Variants in NKAIN3 observed in about 807,000 individuals in gnomAD.
NKAIN3 encodes the protein sodium/potassium transporting ATPase interacting 3.
In NKAIN3, 25 loss-of-function variants were observed where a neutral mutation model predicts 30.2. The observed-to-expected ratio is 0.83, with a 90% CI of 0.60 to 1.16. The LOEUF is 1.16. Among genes scored for constraint, NKAIN3 ranks in the 50% most tolerant of loss-of-function variants. The pLI is 0.00. For synonymous variants in NKAIN3, 91 were observed against 89.6 expected, an observed-to-expected ratio of 1.02 and a Z score of -0.09; for missense variants, 225 against 254.1, an observed-to-expected ratio of 0.89 and a Z score of 0.78.
intron 1 of NKAIN3, among the ~76,000 whole-genome samples, chr8:62,504,500 T>G (rs1449582627): frequency 6.6e-6 from 1 of 152,164 alleles, no homozygotes; most frequent in Non-Finnish European, 1.5e-5. Flanking sequence ...ATCTAATCAC[T>G]GGTCATGTCA....
chr8:62,854,876 C>A (rs549244896), intron 4 of NKAIN3, among the ~76,000 whole-genome samples: 1 of 152,228 alleles, frequency 6.6e-6, no homozygotes, highest in South Asian at 2.1e-4. Context: ...TCATACGCTC[C>A]TGTAAGGCAG....
chr8:62,254,153 CGTGTGTGTGT>C (rs10629239), intron 1 of NKAIN3, among the ~76,000 whole-genome samples: 3,139 of 136,852 alleles, frequency 0.023, 41 homozygotes, highest in Middle Eastern at 0.071. Context: ...GCTTGGGTAT[CGTGTGTGTGT>C]GTGTGTGTGT....
At chr8:62,319,421 G>T (rs1165052066) in intron 1 of NKAIN3, among the ~76,000 whole-genome samples, 5 of 152,108 alleles carry the variant, frequency 3.3e-5, no homozygotes, top group Non-Finnish European at 7.4e-5. Flanking sequence ...TAATTGTGAT[G>T]TTAGGGTCTC....
chr8:62,584,183 C>T (rs974741636), intron 2 of NKAIN3, among the ~76,000 whole-genome samples: 2 of 152,040 alleles, frequency 1.3e-5, no homozygotes, highest in African/African-American at 2.4e-5. Flanking sequence ...AAAATTGCTT[C>T]TTCTATTTTT....
At position 62,974,634 on chromosome 8, in the gene NKAIN3, C is replaced by T. The variant is rs1823905482; in HGVS notation, c.*9227C>T. 6.6e-6 allele frequency among the ~76,000 whole-genome samples: 1 copy of T among 152,168 alleles called. No individual in the cohort carries two copies. The highest frequency in any genetic ancestry group is 2.4e-5 in the African/African-American group (1 of 41,424). On this transcript the variant is annotated 3_prime_UTR_variant, in exon 7 of 7. Coordinates refer to ENST00000623646, the MANE Select transcript of NKAIN3 (RefSeq NM_001304533.3). The stretch of plus-strand genomic sequence containing the variant: ...AGAGATAATTTGACTTTCTCTCTTC[C>T]TATTCGAATACGCTTTATTTCATTC...
chr8:62,801,367 C>A (rs574473789), intron 4 of NKAIN3, among the ~76,000 whole-genome samples: 14 of 152,158 alleles, frequency 9.2e-5, no homozygotes, highest in Non-Finnish European at 1.8e-4. Context: ...GGAGGCACCC[C>A]CCGATAGGGG....
In NKAIN3 at chr8:62,539,680, C is replaced by T. The variant is rs181825919; in HGVS notation, c.55-39859C>T. 3.1e-3 allele frequency among the ~76,000 whole-genome samples: 467 copies of T among 152,246 alleles called. 2 individuals are homozygous for T. The highest frequency in any genetic ancestry group is 0.011 in the African/African-American group (442 of 41,546). ...TCATGGCTCACCACATCCTCGATCG[C>T]GTGAGCTCAAGCAATCCTCCCACCT... On this transcript the variant is annotated intron_variant, in intron 1 of 6. Coordinates refer to ENST00000623646, the MANE Select transcript of NKAIN3 (RefSeq NM_001304533.3).
In NKAIN3 at chr8:62,967,533, C is replaced by T. The variant is rs538614543; in HGVS notation, c.*2126C>T. ...TTCCACTCAAGCGCTATGAAGAGCC[C>T]ACAGAAACAACAAACTCTGTTTTTT... is the stretch of plus-strand genomic sequence containing the variant. On this transcript the variant is annotated 3_prime_UTR_variant, in exon 7 of 7. Coordinates refer to ENST00000623646, the MANE Select transcript of NKAIN3 (RefSeq NM_001304533.3). 1.3e-5 allele frequency among the ~76,000 whole-genome samples: 2 copies of T among 152,160 alleles called. No individual in the cohort carries two copies. Among genetic ancestry groups the T allele is most frequent in the African/African-American group, 2.4e-5 (1 of 41,516 alleles).
intron 4 of NKAIN3, among the ~76,000 whole-genome samples, chr8:62,911,730 G>C (rs560855108): frequency 1.3e-5 from 2 of 152,022 alleles, no homozygotes. Flanking sequence ...TATTTTTCAA[G>C]CTAAAGGATC....
At chr8:62,889,560 A>C (rs1232195318) in intron 4 of NKAIN3, among the ~76,000 whole-genome samples, 1 of 152,204 alleles carries the variant, frequency 6.6e-6, no homozygotes, top group Non-Finnish European at 1.5e-5. Flanking sequence ...ACCATTATTG[A>C]ACAACTGATA....
chr8:62,912,258 A>G (rs1443930634), intron 4 of NKAIN3, among the ~76,000 whole-genome samples: 1 of 152,164 alleles, frequency 6.6e-6, no homozygotes, highest in African/African-American at 2.4e-5. Context: ...AGCACTTACC[A>G]TAAATGGAGC....
In NKAIN3 at chr8:62,819,201, G is replaced by A. The variant is rs1405990620; in HGVS notation, c.471+72072G>A. Among the ~76,000 whole-genome samples, 4 of 148,820 alleles carry A rather than the reference G, an allele frequency of 2.7e-5. No individual in the cohort carries two copies. In the Admixed American group the frequency reaches 2.7e-4, roughly 10 times the overall value. ...TTTTGTTAGGCACAATAACAGTATT[G>A]TTATTTAACTTATATCCTTTATGTC... On this transcript the variant is annotated intron_variant, in intron 4 of 6. Coordinates refer to ENST00000623646, the MANE Select transcript of NKAIN3 (RefSeq NM_001304533.3).
intron 5 of NKAIN3, among the ~76,000 whole-genome samples, chr8:62,924,305 G>A (rs1173493127): frequency 6.6e-6 from 1 of 152,142 alleles, no homozygotes; most frequent in Non-Finnish European, 1.5e-5. Context: ...TTGAAGATAC[G>A]GATGATATAT....
chr8:62,781,372 T>C (rs1366574823), intron 4 of NKAIN3, among the ~76,000 whole-genome samples: 1 of 151,640 alleles, frequency 6.6e-6, no homozygotes, highest in Admixed American at 6.6e-5. Flanking sequence ...ACAGATTCGA[T>C]GCAATCTTTA....
chr8:62,489,408 T>C (rs1489027478), intron 1 of NKAIN3, among the ~76,000 whole-genome samples: 1 of 152,202 alleles, frequency 6.6e-6, no homozygotes, highest in Non-Finnish European at 1.5e-5. Context: ...CCTTACATTA[T>C]AGACATGTGC....
intron 4 of NKAIN3, chr8:62,855,591 A>G: frequency 5.0e-6 from 8 of 1,595,526 alleles, no homozygotes; most frequent in Non-Finnish European, 6.9e-6. Flanking sequence ...ACCTTGGGCA[A>G]TGTCAGGTCC....
chr8:62,373,807 C>T (rs1816981930), intron 1 of NKAIN3, among the ~76,000 whole-genome samples: 1 of 152,074 alleles, frequency 6.6e-6, no homozygotes, highest in African/African-American at 2.4e-5. Context: ...AATCCCAATA[C>T]CCTCTGTAGA....
chr8:62,702,138 G>T (rs545044626), intron 3 of NKAIN3, among the ~76,000 whole-genome samples: 2 of 152,236 alleles, frequency 1.3e-5, no homozygotes, highest in African/African-American at 2.4e-5. Context: ...TGCAACCAAA[G>T]GATGCTCAAA....
rs1401141607 is a variant in NKAIN3, at chr8:62,970,034, A to C, written c.*4627A>C. Among the ~76,000 whole-genome samples, 1 of 151,532 alleles carries C rather than the reference A, an allele frequency of 6.6e-6. No individual in the cohort carries two copies. The highest frequency in any genetic ancestry group is 1.5e-5 in the Non-Finnish European group (1 of 67,910). On this transcript the variant is annotated 3_prime_UTR_variant, in exon 7 of 7. Transcript: ENST00000623646. ...AAATAGTGAGACCGTATCTCTACAA[A>C]AACAAACAAATAAACAAAAAATACC...
Sources: gnomAD v4.1 joint callset for allele counts (sites outside exome capture counted in the v4.1 genomes callset) on GRCh38, gnomAD v4.1.1 for gene constraint, MANE v1.5 for transcripts, NCBI Gene and HGNC (gene_info 2026-07-23, HGNC 2026-07-21) for gene names.